Variants in GHR observed in about 807,000 individuals in gnomAD.
GHR encodes growth hormone receptor, also known as GH receptor.
In GHR, 35 loss-of-function variants were observed where a neutral mutation model predicts 67.1. The ratio of observed to expected loss-of-function variants is 0.52; its 90% confidence interval spans 0.40 to 0.69. The LOEUF is 0.69. Ranked by LOEUF, GHR falls within the 30% of genes least tolerant of loss-of-function variation. The pLI is 0.00. For synonymous variants in GHR, 272 were observed against 269.1 expected (o/e 1.01, Z -0.10); for missense variants, 792 against 764.6 (o/e 1.04, Z -0.42).
At chr5:42,483,929 A>G (rs1241734387) in intron 1 of GHR, among the ~76,000 whole-genome samples, 2 of 152,142 alleles carry the variant, frequency 1.3e-5, no homozygotes, top group South Asian at 2.1e-4. Flanking sequence ...TTTGACTCTG[A>G]TTTTTATCTT....
chr5:42,539,431 T>C (rs1213915590), intron 1 of GHR, among the ~76,000 whole-genome samples: 2 of 152,224 alleles, frequency 1.3e-5, no homozygotes, highest in Non-Finnish European at 2.9e-5. Flanking sequence ...GAAGTGATTG[T>C]TATCTCTCTT....
intron 3 of GHR, among the ~76,000 whole-genome samples, chr5:42,646,780 C>T (rs942045502): frequency 4.6e-5 from 7 of 152,162 alleles, no homozygotes; most frequent in African/African-American, 1.7e-4. Flanking sequence ...ATCTCTGAGA[C>T]CCCATAGTCA....
chr5:42,438,834 C>CAGGA (rs1176450721), intron 1 of GHR, among the ~76,000 whole-genome samples: 1 of 152,088 alleles, frequency 6.6e-6, no homozygotes, highest in African/African-American at 2.4e-5. Flanking sequence ...CAGCTTGATT[C>CAGGA]ATGAAAGACC....
At chr5:42,457,616 G>A (rs1269448584) in intron 1 of GHR, among the ~76,000 whole-genome samples, 2 of 152,130 alleles carry the variant, frequency 1.3e-5, no homozygotes, top group East Asian at 3.9e-4. Flanking sequence ...ACCAGACCTT[G>A]TTAACTGTTT....
intron 6 of GHR, among the ~76,000 whole-genome samples, chr5:42,704,590 T>C (rs1758086715): frequency 6.6e-6 from 1 of 152,066 alleles, no homozygotes; most frequent in African/African-American, 2.4e-5. Context: ...TAGTATCCCC[T>C]TTTCTTCCAC....
At chr5:42,477,814 T>G (rs554787457) in intron 1 of GHR, among the ~76,000 whole-genome samples, 1 of 152,214 alleles carries the variant, frequency 6.6e-6, no homozygotes, top group Non-Finnish European at 1.5e-5. Flanking sequence ...TTGCAAAAAT[T>G]TTCTCCCATT....
chr5:42,715,209 T>C, intron 8 of GHR: 1 of 259,886 alleles, frequency 3.8e-6, no homozygotes, highest in Non-Finnish European at 7.9e-6. Context: ...GAATTAACTT[T>C]ATTTTTTATT....
intron 1 of GHR, among the ~76,000 whole-genome samples, chr5:42,461,694 C>G (rs1744493818): frequency 6.6e-6 from 1 of 152,218 alleles, no homozygotes; most frequent in Non-Finnish European, 1.5e-5. Flanking sequence ...TCTGTCAGCA[C>G]TTTGGCAGCC....
At chr5:42,451,323 A>C (rs1044460689) in intron 1 of GHR, among the ~76,000 whole-genome samples, 2 of 150,994 alleles carry the variant, frequency 1.3e-5, no homozygotes, top group Admixed American at 1.3e-4. Context: ...TGTTAGATGC[A>C]TATATATTTA....
At chr5:42,688,792 A>G (rs2111655969) in intron 3 of GHR, 98 bp from the exon 4 acceptor site, 3 of 1,119,432 alleles carry the variant, frequency 2.7e-6, no homozygotes, top group South Asian at 2.5e-5. Context: ...CACTGGCTTC[A>G]TCCCAGTAGT....
At chr5:42,452,953 G>C (rs1744112854) in intron 1 of GHR, among the ~76,000 whole-genome samples, 1 of 151,812 alleles carries the variant, frequency 6.6e-6, no homozygotes, top group African/African-American at 2.4e-5. Flanking sequence ...AATCTTTGGG[G>C]GTTTTATAGA....
chr5:42,689,385 T>C (rs1009483052), intron 4 of GHR, among the ~76,000 whole-genome samples: 24 of 152,088 alleles, frequency 1.6e-4, no homozygotes, highest in African/African-American at 5.8e-4. Flanking sequence ...TGTATGTGCA[T>C]GAGAATGTGT....
chr5:42,533,641 A>AT (rs1003770038), intron 1 of GHR, among the ~76,000 whole-genome samples: 3 of 151,476 alleles, frequency 2.0e-5, no homozygotes, highest in African/African-American at 4.8e-5. Flanking sequence ...GCATAAATCA[A>AT]TTTTTTTTAC....
intron 2 of GHR, among the ~76,000 whole-genome samples, chr5:42,626,065 G>C (rs1016995661): frequency 6.6e-6 from 1 of 152,144 alleles, no homozygotes; most frequent in South Asian, 2.1e-4. Context: ...CCTTAGGTAG[G>C]AATTTGGGCA....
At chr5:42,572,592 G>A (rs553362260) in intron 2 of GHR, among the ~76,000 whole-genome samples, 1 of 152,320 alleles carries the variant, frequency 6.6e-6, no homozygotes, top group South Asian at 2.1e-4. Context: ...GGGGCTTAGA[G>A]CACTTCTTCA....
chr5:42,462,908 C>A (rs540178356), intron 1 of GHR, among the ~76,000 whole-genome samples: 103 of 151,624 alleles, frequency 6.8e-4, no homozygotes, highest in African/African-American at 2.3e-3. Context: ...TGGGAACTAG[C>A]ATACAATGTA....
At chr5:42,588,532 A>AAAAAAAAAAAAAAAC (rs1751610901) in intron 2 of GHR, among the ~76,000 whole-genome samples, 1 of 148,404 alleles carries the variant, frequency 6.7e-6, no homozygotes, top group African/African-American at 2.5e-5. Flanking sequence ...ATCTCAAAAA[A>AAAAAAAAAAAAAAAC]AAAAAAAAAA....
At chr5:42,543,179 G>A (rs1418320235) in intron 1 of GHR, among the ~76,000 whole-genome samples, 1 of 152,088 alleles carries the variant, frequency 6.6e-6, no homozygotes, top group Non-Finnish European at 1.5e-5. Flanking sequence ...TTGAATGGTA[G>A]ATCTACTTTT....
chr5:42,492,186 A>G (rs751262468), intron 1 of GHR, among the ~76,000 whole-genome samples: 5 of 152,160 alleles, frequency 3.3e-5, no homozygotes, highest in African/African-American at 4.8e-5. Flanking sequence ...TTGCTTTTCA[A>G]ACTACTAGAT....
Sources: allele counts gnomAD v4.1 joint callset (sites outside exome capture counted in the v4.1 genomes callset), GRCh38; gene constraint gnomAD v4.1.1; transcripts MANE v1.5; gene names NCBI Gene and HGNC (gene_info 2026-07-23, HGNC 2026-07-21).